Variants in PRR16 observed in about 807,000 individuals in gnomAD.
PRR16 encodes proline rich 16.
Under a neutral mutation model 18.2 loss-of-function variants are expected in PRR16, and 6 were observed. That is an observed-to-expected ratio of 0.33 (90% CI 0.18 to 0.65). The LOEUF is 0.65. PRR16 is among the 30% of genes least tolerant of loss of function. PRR16 has a pLI of 0.74. For missense variants in PRR16, 412 were observed against 376.6 expected, an observed-to-expected ratio of 1.09 and a Z score of -0.78; for synonymous variants, 151 against 147.8, an observed-to-expected ratio of 1.02 and a Z score of -0.16.
At chr5:120,487,981 C>T in intron 1 of PRR16, among the ~76,000 whole-genome samples, 1 of 152,210 alleles carries the variant, frequency 6.6e-6, no homozygotes, top group Non-Finnish European at 1.5e-5. Flanking sequence ...ACCAGCCTTG[C>T]ATCCCAGGGA....
the PRR16 span, among the ~76,000 whole-genome samples, chr5:120,708,459 A>G: frequency 6.6e-6 from 1 of 152,196 alleles, no homozygotes; most frequent in Non-Finnish European, 1.5e-5. Flanking sequence ...TTTAATTGTC[A>G]GAAAATGATT....
At chr5:120,481,429 C>T (rs1561508375) in intron 1 of PRR16, 1 of 239,132 alleles carries the variant, frequency 4.2e-6, no homozygotes, top group Admixed American at 5.6e-5. Flanking sequence ...CCACGCCTGG[C>T]CCGTTTTAAA....
the PRR16 span, among the ~76,000 whole-genome samples, chr5:120,721,952 T>C: frequency 3.3e-5 from 5 of 152,164 alleles, no homozygotes; most frequent in East Asian, 9.7e-4. Flanking sequence ...TTACAAGGTA[T>C]ACACATGCTT....
the PRR16 span, among the ~76,000 whole-genome samples, chr5:120,777,115 T>C: frequency 6.6e-5 from 10 of 152,010 alleles, no homozygotes. Context: ...GAGAAATTAG[T>C]GGAGGTTAAC....
At chr5:120,615,698 AGATT>A (rs1326709334) in intron 1 of PRR16, among the ~76,000 whole-genome samples, 3 of 152,080 alleles carry the variant, frequency 2.0e-5, no homozygotes, top group Admixed American at 6.6e-5. Context: ...TCTATTCATT[AGATT>A]ATTATTTTTA....
At chr5:120,646,915 A>AT (rs1457907920) in intron 1 of PRR16, among the ~76,000 whole-genome samples, 1 of 151,928 alleles carries the variant, frequency 6.6e-6, no homozygotes, top group Non-Finnish European at 1.5e-5. Context: ...GTTTTGTTGG[A>AT]TTTTTTTCCA....
At chr5:120,474,985 T>C (rs1262539692) in intron 1 of PRR16, among the ~76,000 whole-genome samples, 1 of 152,204 alleles carries the variant, frequency 6.6e-6, no homozygotes, top group African/African-American at 2.4e-5. Flanking sequence ...GAAGAGAATT[T>C]AGAATGGTTT....
At chr5:120,516,559 G>C (rs1751002482) in intron 1 of PRR16, among the ~76,000 whole-genome samples, 1 of 150,206 alleles carries the variant, frequency 6.7e-6, no homozygotes, top group Non-Finnish European at 1.5e-5. Flanking sequence ...ATGCTTTAAA[G>C]TCATCCTGTC....
chr5:120,512,084 T>G (rs1750844773), intron 1 of PRR16, among the ~76,000 whole-genome samples: 1 of 96,256 alleles, frequency 1.0e-5, no homozygotes, highest in Non-Finnish European at 2.1e-5. Flanking sequence ...TAATGGAGTT[T>G]CACAAACTTT....
At position 120,525,404 on chromosome 5, in the gene PRR16, T is replaced by C. The variant is rs556776180; in HGVS notation, c.159+60759T>C. On this transcript the variant is annotated intron_variant, in intron 1 of 1. Transcript: ENST00000407149. ...CTTCATTGTTGTTTCTCTTTCTTCT[T>C]TCCCTTTTAAATTTATGCTATCTTG... 2.0e-5 allele frequency among the ~76,000 whole-genome samples: 3 copies of C among 152,176 alleles called. No individual in the cohort carries two copies. The South Asian group carries it at 6.2e-4, about 32-fold the overall frequency.
the PRR16 span, among the ~76,000 whole-genome samples, chr5:120,778,554 T>C: frequency 6.6e-6 from 1 of 152,184 alleles, no homozygotes; most frequent in Non-Finnish European, 1.5e-5. Context: ...GACAACTAGA[T>C]GTTTTCCCAA....
intron 1 of PRR16, among the ~76,000 whole-genome samples, chr5:120,534,354 T>A (rs576168029): frequency 6.6e-6 from 1 of 152,160 alleles, no homozygotes; most frequent in Admixed American, 6.5e-5. Flanking sequence ...TTTTTCCTTT[T>A]ATCTGTTACA....
chr5:120,703,532 T>C, the PRR16 span, among the ~76,000 whole-genome samples: 1 of 152,236 alleles, frequency 6.6e-6, no homozygotes, highest in South Asian at 2.1e-4. Flanking sequence ...ATGCAATCAC[T>C]TTGGTAAAGA....
At chr5:120,498,299 A>T (rs1351925270) in intron 1 of PRR16, among the ~76,000 whole-genome samples, 6 of 149,058 alleles carry the variant, frequency 4.0e-5, no homozygotes, top group South Asian at 4.2e-4. Context: ...TATATATATA[A>T]AAATACCTAT....
At chr5:120,649,891 C>T (rs1755716686) in intron 1 of PRR16, among the ~76,000 whole-genome samples, 1 of 151,820 alleles carries the variant, frequency 6.6e-6, no homozygotes, top group Non-Finnish European at 1.5e-5. Context: ...TAAATTCTCT[C>T]ATCATTATTC....
intron 1 of PRR16, among the ~76,000 whole-genome samples, chr5:120,546,294 T>C (rs180982375): frequency 2.5e-4 from 38 of 152,216 alleles, no homozygotes; most frequent in Non-Finnish European, 7.4e-5. Context: ...CAATACACAA[T>C]GGTAATGATG....
intron 1 of PRR16, among the ~76,000 whole-genome samples, chr5:120,480,503 C>T (rs1319547913): frequency 6.6e-6 from 1 of 152,022 alleles, no homozygotes; most frequent in African/African-American, 2.4e-5. Context: ...TTTTTGTGCT[C>T]CCACAGAAAA....
At chr5:120,780,567 C>T in the PRR16 span, among the ~76,000 whole-genome samples, 1 of 152,020 alleles carries the variant, frequency 6.6e-6, no homozygotes. Context: ...GATATTTAAT[C>T]CTAAAATGTA....
At chr5:120,743,320 G>A in the PRR16 span, among the ~76,000 whole-genome samples, 1 of 151,542 alleles carries the variant, frequency 6.6e-6, no homozygotes, top group Non-Finnish European at 1.5e-5. Flanking sequence ...TTAGTTTTGA[G>A]AAGCTTTTGT....
Sources: allele counts gnomAD v4.1 joint callset (sites outside exome capture counted in the v4.1 genomes callset), GRCh38; gene constraint gnomAD v4.1.1; transcripts MANE v1.5; gene names NCBI Gene and HGNC (gene_info 2026-07-23, HGNC 2026-07-21).